ZNF875: variants seen among roughly 807,000 people sequenced by gnomAD.
ZNF875 encodes HKR1, GLI-Kruppel zinc finger family member.
A neutral mutation model predicts 11.2 loss-of-function variants in ZNF875; 14 were observed. The ratio of observed to expected loss-of-function variants is 1.26; its 90% CI spans 0.83 to 1.96. ZNF875 has a LOEUF of 1.96. Among genes scored for constraint, ZNF875 ranks in the 30% most tolerant of loss-of-function variants. ZNF875 has a pLI of 0.00. For missense variants in ZNF875, 752 were observed against 760.4 expected, an observed-to-expected ratio of 0.99 and a Z score of 0.13; for synonymous variants, 301 against 281.1, an observed-to-expected ratio of 1.07 and a Z score of -0.71.
chr19:37,339,578 G>A (rs1045243538), intron 2 of ZNF875, among the ~76,000 whole-genome samples: 10 of 112,932 alleles, frequency 8.9e-5, no homozygotes, highest in African/African-American at 3.6e-4. Context: ...ACAGAGTCTC[G>A]CTCTGTCACT....
At chr19:37,347,136 T>C in intron 2 of ZNF875, 54 bp from the exon 3 acceptor site, 1 of 1,611,412 alleles carries the variant, frequency 6.2e-7, no homozygotes, top group Admixed American at 1.7e-5. Flanking sequence ...CATTCTAAAG[T>C]GTGGGAGGGA....
chr19:37,322,698 T>C (rs762648613), intron 2 of ZNF875, among the ~76,000 whole-genome samples: 2 of 152,178 alleles, frequency 1.3e-5, no homozygotes, highest in East Asian at 3.8e-4. Context: ...GTCTGGTTGT[T>C]GCTGCTCTAA....
intron 4 of ZNF875, among the ~76,000 whole-genome samples, 181 bp downstream of exon 4, chr19:37,348,053 C>T (rs1406436116): frequency 6.6e-6 from 1 of 151,996 alleles, no homozygotes; most frequent in African/African-American, 2.4e-5. Context: ...TTCCCTGGTT[C>T]CCTTGTCTCT....
chr19:37,362,753 C>T lies in ZNF875; in HGVS notation c.901C>T (p.Gln301Ter). ...FTWKSNLITH[Q>*]RTHSGEKPYV... Reference sequence around the variant, plus strand: ...GTGGAAGTCAAACCTGATCACACATCAGAGGACACACTCAGGGGAGAAACC... The same window carrying T: ...GTGGAAGTCAAACCTGATCACACATTAGAGGACACACTCAGGGGAGAAACC... The change falls in exon 5 of 5, where the codon CAG (glutamine) becomes TAG (stop). Residue 301 changes from glutamine to a stop codon, truncating the protein, a stop_gained. Transcript: ENST00000392153. LOFTEE classifies it low-confidence loss of function (END_TRUNC). 1.9e-6 allele frequency: 3 copies of T among 1,613,082 alleles called. No individual in the cohort carries two copies. Among genetic ancestry groups the T allele is most frequent in the Non-Finnish European group, 2.5e-6 (3 of 1,179,658 alleles).
chr19:37,353,125 C>T (rs1349573026), intron 4 of ZNF875, among the ~76,000 whole-genome samples: 1 of 152,152 alleles, frequency 6.6e-6, no homozygotes, highest in Non-Finnish European at 1.5e-5. Context: ...CTGCCTGCCT[C>T]AGCCTCCCAA....
upstream of ZNF875, among the ~76,000 whole-genome samples, chr19:37,334,060 C>G (rs2033804085): frequency 6.6e-6 from 1 of 152,156 alleles, no homozygotes; most frequent in Non-Finnish European, 1.5e-5. Context: ...CAGTCTGCAT[C>G]CCCTAAAATC....
chr19:37,317,901 G>GCCCTCCCGTTTCCGGAAGCCCA (rs2030354989), upstream of ZNF875: 1 of 153,426 alleles, frequency 6.5e-6, no homozygotes, highest in Non-Finnish European at 1.5e-5. Flanking sequence ...CCGGAAGCCC[G>GCCCTCCCGTTTCCGGAAGCCCA]GCACAGGCTG....
At chr19:37,324,418 G>A (rs1208293220) in intron 4 of ZNF875, among the ~76,000 whole-genome samples, 1 of 152,252 alleles carries the variant, frequency 6.6e-6, no homozygotes, top group East Asian at 1.9e-4. Flanking sequence ...TACCCCAAGA[G>A]TTGTCTGGTT....
chr19:37,335,194 C>T lies in ZNF875; in HGVS notation c.-31C>T. The T allele has an allele frequency of 2.8e-6, 2 of 702,418 alleles. No individual in the cohort carries two copies. The highest frequency in any genetic ancestry group is 5.2e-6 in the Non-Finnish European group (2 of 384,594). The allele number at this position is 702,418 out of a possible 1,614,324, so 43.5% of individuals were successfully genotyped here. On this transcript the variant is annotated 5_prime_UTR_variant, in exon 2 of 5. Coordinates refer to ENST00000392153, the MANE Select transcript of ZNF875 (RefSeq NM_001353803.2). ...ATCTGTCTTCTGAGACTTTGCCCTT[C>T]TCCAGGAAGAGCACTCAGGAGACCA...
At chr19:37,356,884 T>C (rs1568642693) in intron 4 of ZNF875, among the ~76,000 whole-genome samples, 1 of 152,210 alleles carries the variant, frequency 6.6e-6, no homozygotes, top group Non-Finnish European at 1.5e-5. Flanking sequence ...GAGGACTTAG[T>C]CATAAGTTCT....
At chr19:37,328,839 T>G (rs938418972) in intron 4 of ZNF875, 1 of 152,230 alleles carries the variant, frequency 6.6e-6, no homozygotes, top group Non-Finnish European at 1.5e-5. Context: ...TTGAGGAGTT[T>G]ACAGAGAAGC....
At chr19:37,336,404 ATTC>A (rs1232801115) in intron 2 of ZNF875, among the ~76,000 whole-genome samples, 1 of 147,100 alleles carries the variant, frequency 6.8e-6, no homozygotes, top group Non-Finnish European at 1.5e-5. Flanking sequence ...GGTTCACACC[ATTC>A]TTCTGCCTCA....
At chr19:37,314,504 T>C (rs1276743525), upstream of ZNF875, among the ~76,000 whole-genome samples, 1 of 152,178 alleles carries the variant, frequency 6.6e-6, no homozygotes, top group Non-Finnish European at 1.5e-5. Flanking sequence ...TAGAATAAGA[T>C]GGTCCTAGGG....
At chr19:37,351,030 C>A (rs1172212591) in intron 4 of ZNF875, among the ~76,000 whole-genome samples, 2 of 152,030 alleles carry the variant, frequency 1.3e-5, no homozygotes, top group East Asian at 3.9e-4. Context: ...TCTCGAACTC[C>A]TGACCTCAGG....
chr19:37,339,645 A>G (rs2146042676), intron 2 of ZNF875, among the ~76,000 whole-genome samples: 1 of 149,736 alleles, frequency 6.7e-6, no homozygotes, highest in African/African-American at 2.5e-5. Context: ...CCTCACTGCA[A>G]CCTCTGCCTC....
chr19:37,363,116 T>A lies in ZNF875; in HGVS notation c.1264T>A (p.Tyr422Asn), dbSNP rs1322274916. The A allele has an allele frequency of 6.2e-7, 1 of 1,613,680 alleles. No homozygotes were observed. ...AAGGACACACACAGGAGAGAAGCCT[T>A]ATGTATGCACAGAATGTGGGCGTCA... ...HLRTHTGEKP[Y>N]VCTECGRHFS... The change falls in exon 5 of 5, where the codon TAT (tyrosine) becomes AAT (asparagine). Residue 422 changes from tyrosine (Y) to asparagine (N), a missense_variant. Physicochemically the swap from Tyr to Asn is moderately radical, Grantham distance 143 (BLOSUM62 -2). Transcript: ENST00000392153.
At chr19:37,355,925 C>T (rs939071925) in intron 4 of ZNF875, among the ~76,000 whole-genome samples, 1 of 152,146 alleles carries the variant, frequency 6.6e-6, no homozygotes, top group Non-Finnish European at 1.5e-5. Context: ...TCAGCCCTTA[C>T]CTCCATCCTT....
At chr19:37,334,405 C>T (rs539538174), upstream of ZNF875, among the ~76,000 whole-genome samples, 1 of 152,360 alleles carries the variant, frequency 6.6e-6, no homozygotes, top group African/African-American at 2.4e-5. Flanking sequence ...TCGGCAGTCC[C>T]GCGATGCCTT....
At chr19:37,335,416 A>G (rs2034149661) in intron 2 of ZNF875, among the ~76,000 whole-genome samples, 159 bp downstream of exon 2, 1 of 152,174 alleles carries the variant, frequency 6.6e-6, no homozygotes, top group South Asian at 2.1e-4. Flanking sequence ...AGTCTTGTAG[A>G]GCGTCCGATT....
Sources: allele counts gnomAD v4.1 joint callset (sites outside exome capture counted in the v4.1 genomes callset), GRCh38; gene constraint gnomAD v4.1.1; transcripts MANE v1.5; gene names NCBI Gene and HGNC (gene_info 2026-07-23, HGNC 2026-07-21).